The following RBFOX1 variants were observed in gnomAD, a reference collection of about 807,000 sequenced individuals.
RBFOX1 encodes RNA binding protein fox-1 homolog 1.
RBFOX1 carries 8 observed loss-of-function variants against 57.7 expected under a neutral mutation model. The ratio of observed to expected loss-of-function variants is 0.14; its 90% CI spans 0.08 to 0.25. The LOEUF is 0.25. RBFOX1 is among the 10% of genes least tolerant of loss of function. RBFOX1 has a pLI of 1.00. For synonymous variants in RBFOX1, 326 were observed against 222.4 expected (o/e 1.47, Z -4.15); for missense variants, 611 against 548.5 (o/e 1.11, Z -1.14).
At chr16:5,585,056 C>T (rs1261603724) in intron 2 of RBFOX1, among the ~76,000 whole-genome samples, 1 of 152,146 alleles carries the variant, frequency 6.6e-6, no homozygotes, top group Non-Finnish European at 1.5e-5. Flanking sequence ...GTTAACAATT[C>T]AGTGGCATTT....
At chr16:7,007,791 G>T (rs1001702080) in intron 3 of RBFOX1, among the ~76,000 whole-genome samples, 2 of 152,152 alleles carry the variant, frequency 1.3e-5, no homozygotes, top group African/African-American at 4.8e-5. Flanking sequence ...ATGGGGTAAG[G>T]CTGCTGCCAT....
chr16:5,679,646 C>T (rs1319584399), intron 3 of RBFOX1, among the ~76,000 whole-genome samples: 1 of 152,112 alleles, frequency 6.6e-6, no homozygotes, highest in African/African-American at 2.4e-5. Flanking sequence ...GAATGATTGA[C>T]CATCAATTCT....
chr16:7,288,445 A>G (rs1039945536), intron 4 of RBFOX1, among the ~76,000 whole-genome samples: 5 of 152,232 alleles, frequency 3.3e-5, no homozygotes, highest in Admixed American at 6.5e-5. Context: ...GAGGAGTCAC[A>G]TCACCTTGCT....
At chr16:6,616,787 C>A (rs1276915662) in intron 2 of RBFOX1, among the ~76,000 whole-genome samples, 1 of 152,200 alleles carries the variant, frequency 6.6e-6, no homozygotes, top group Non-Finnish European at 1.5e-5. Context: ...CAAGAGTGAG[C>A]TACAGCCATT....
intron 4 of RBFOX1, among the ~76,000 whole-genome samples, chr16:7,310,229 T>C (rs1406073468): frequency 6.6e-6 from 1 of 152,226 alleles, no homozygotes; most frequent in South Asian, 2.1e-4. Flanking sequence ...GGGTTCTCTC[T>C]GAAGGATCCT....
At chr16:6,687,579 G>T (rs1055365549) in intron 3 of RBFOX1, among the ~76,000 whole-genome samples, 1 of 152,134 alleles carries the variant, frequency 6.6e-6, no homozygotes, top group Non-Finnish European at 1.5e-5. Flanking sequence ...CTTATTTCTT[G>T]CCACATAAAA....
chr16:6,913,166 G>C (rs1191154468), intron 3 of RBFOX1, among the ~76,000 whole-genome samples: 1 of 151,916 alleles, frequency 6.6e-6, no homozygotes, highest in Non-Finnish European at 1.5e-5. Flanking sequence ...TTGTTTTTTT[G>C]TTTTTCCTGT....
At chr16:6,311,212 C>G (rs1010600922) in intron 1 of RBFOX1, among the ~76,000 whole-genome samples, 27 of 142,554 alleles carry the variant, frequency 1.9e-4, no homozygotes, top group South Asian at 6.9e-4. Flanking sequence ...AGAAGAATCT[C>G]TTGAACACAG....
chr16:7,382,519 TGC>T, intron 4 of RBFOX1, among the ~76,000 whole-genome samples: 2 of 152,342 alleles, frequency 1.3e-5, no homozygotes, highest in East Asian at 3.9e-4. Flanking sequence ...ACAAAGATAG[TGC>T]AGCAGAGGAA....
chr16:7,167,974 G>A lies in RBFOX1; in HGVS notation c.27+115876G>A, dbSNP rs150573913. ...GTAGTGAGAGTCTGTCTTTAACAGCGCAGAACCACACAAGGTAAGGATTTT... is the reference window on the plus strand; with the variant it reads ...GTAGTGAGAGTCTGTCTTTAACAGCACAGAACCACACAAGGTAAGGATTTT... On this transcript the variant is annotated intron_variant, in intron 4 of 15. Transcript: ENST00000550418. Among the ~76,000 whole-genome samples the A allele has an allele frequency of 1.8e-3, 272 of 152,242 alleles. 2 individuals carry two copies. The highest frequency in any genetic ancestry group is 5.6e-3 in the African/African-American group (231 of 41,526).
At chr16:7,292,327 T>C (rs903254417) in intron 4 of RBFOX1, among the ~76,000 whole-genome samples, 2 of 133,254 alleles carry the variant, frequency 1.5e-5, no homozygotes, top group East Asian at 2.1e-4. Flanking sequence ...ATATATCATA[T>C]ATCATACATG....
intron 4 of RBFOX1, among the ~76,000 whole-genome samples, chr16:7,425,789 T>C (rs1354276129): frequency 6.6e-6 from 1 of 152,218 alleles, no homozygotes; most frequent in Admixed American, 6.5e-5. Context: ...AAGGATCGCC[T>C]TCCAGGATTT....
chr16:7,136,107 A>T (rs897305058), intron 4 of RBFOX1, among the ~76,000 whole-genome samples: 1 of 152,214 alleles, frequency 6.6e-6, no homozygotes, highest in African/African-American at 2.4e-5. Flanking sequence ...CAAGAATGTC[A>T]AAGGAAGAGA....
intron 5 of RBFOX1, among the ~76,000 whole-genome samples, chr16:7,538,931 G>A (rs940120135): frequency 6.8e-6 from 1 of 146,886 alleles, no homozygotes; most frequent in Non-Finnish European, 1.5e-5. Context: ...TGGTCAATGA[G>A]ACTTTCATAT....
At chr16:6,227,951 G>A (rs139039489) in intron 1 of RBFOX1, among the ~76,000 whole-genome samples, 1 of 152,172 alleles carries the variant, frequency 6.6e-6, no homozygotes, top group Non-Finnish European at 1.5e-5. Context: ...TACATCCAAA[G>A]AAAATGAAAT....
At chr16:5,419,887 C>G (rs915722415) in intron 1 of RBFOX1, among the ~76,000 whole-genome samples, 2 of 152,012 alleles carry the variant, frequency 1.3e-5, no homozygotes, top group African/African-American at 4.8e-5. Flanking sequence ...GTGATAGCAC[C>G]AAGAAGACAG....
At chr16:6,730,467 A>G (rs2068278462) in intron 3 of RBFOX1, among the ~76,000 whole-genome samples, 1 of 152,038 alleles carries the variant, frequency 6.6e-6, no homozygotes, top group Non-Finnish European at 1.5e-5. Context: ...TAATCTATCC[A>G]TCTATCTAAT....
chr16:7,204,320 A>G (rs1603020506), intron 4 of RBFOX1, among the ~76,000 whole-genome samples: 1 of 152,196 alleles, frequency 6.6e-6, no homozygotes, highest in Non-Finnish European at 1.5e-5. Context: ...ACAGGATTGC[A>G]AACACTTTAA....
intron 3 of RBFOX1, among the ~76,000 whole-genome samples, chr16:6,765,583 G>A (rs2077211971): frequency 6.6e-6 from 1 of 152,138 alleles, no homozygotes. Context: ...ATGGAAAACA[G>A]TACAGAGATT....
Sources: allele counts gnomAD v4.1 joint callset (sites outside exome capture counted in the v4.1 genomes callset), GRCh38; gene constraint gnomAD v4.1.1; transcripts MANE v1.5; gene names NCBI Gene and HGNC (gene_info 2026-07-23, HGNC 2026-07-21).